The following SAYSD1 variants were observed in gnomAD, a reference collection of about 807,000 sequenced individuals.
The protein encoded by SAYSD1 is SAYSvFN domain-containing protein 1.
A neutral mutation model predicts 14.5 loss-of-function variants in SAYSD1; 15 were observed. That is an observed-to-expected ratio of 1.03 (90% CI 0.69 to 1.59). The LOEUF (loss-of-function observed/expected upper bound fraction) is 1.59. SAYSD1 is among the 40% of genes most tolerant of loss of function. The probability of loss-of-function intolerance (pLI) is 0.00; values close to 1 mark genes in which losing one functional copy is unlikely to be tolerated. For synonymous variants in SAYSD1, 105 were observed against 102.6 expected (o/e 1.02, Z -0.14); for missense variants, 247 against 227.3 (o/e 1.09, Z -0.56).
At chr6:39,108,472 G>A (rs1769544892) in intron 1 of SAYSD1, among the ~76,000 whole-genome samples, 1 of 152,030 alleles carries the variant, frequency 6.6e-6, no homozygotes, top group African/African-American at 2.4e-5. Flanking sequence ...CAAGAGGAGA[G>A]ATACGGACAT....
In SAYSD1 at chr6:39,105,668, C is replaced by G; in HGVS notation, c.316G>C (p.Val106Leu). 6.2e-7 allele frequency: 1 copy of G among 1,614,230 alleles called. No individual in the cohort carries two copies. The highest frequency in any genetic ancestry group is 8.5e-7 in the Non-Finnish European group (1 of 1,180,038). The change falls in exon 2 of 2, where the codon GTT (valine) becomes CTT (leucine). Residue 106 changes from valine (V) to leucine (L), a missense_variant. Val to Leu is a conservative substitution (Grantham distance 32). Coordinates refer to ENST00000229903, the MANE Select transcript of SAYSD1 (RefSeq NM_018322.3). ...SFLTNITFLKVLLWLVLLGLF... is the reference protein window; with the variant it reads ...SFLTNITFLKLLLWLVLLGLF... Reference sequence around the variant, plus strand: ...CCCAGCAGGACCAACCAGAGAAGAACCTTCAAGAAGGTGATATTGGTCAGG... The same window carrying G: ...CCCAGCAGGACCAACCAGAGAAGAAGCTTCAAGAAGGTGATATTGGTCAGG...
rs761871373 is a variant in SAYSD1 at position 39,105,719 on chromosome 6, G to A, written c.265C>T (p.Leu89=). Reference sequence around the variant, plus strand: ...AAAGACTGGTCCCAGCACGACGGCAGAGGAATGGCTGTGTTCCATGGTGTC... The same window carrying A: ...AAAGACTGGTCCCAGCACGACGGCAAAGGAATGGCTGTGTTCCATGGTGTC... ...SETPWNTAIP[L]PSCWDQSFLT... is the part of the protein sequence containing the mutation. The change falls in exon 2 of 2, where the codon CTG becomes TTG. Residue 89 remains leucine, a synonymous_variant. Transcript: ENST00000229903. The A allele has an allele frequency of 3.0e-5, 48 of 1,614,246 alleles. No homozygotes were observed. In the South Asian group the frequency reaches 4.9e-4, roughly 17 times the overall value.
intron 1 of SAYSD1, chr6:39,109,344 C>T (rs1177152760): frequency 1.2e-5 from 19 of 1,550,992 alleles, no homozygotes; most frequent in South Asian, 1.2e-4. Flanking sequence ...GGAAGAAGCT[C>T]GTCACAGAAT....
chr6:39,109,284 G>A (rs1294259032), intron 1 of SAYSD1: 2 of 1,542,336 alleles, frequency 1.3e-6, no homozygotes, highest in East Asian at 2.4e-5. Context: ...AGGGAAGCAG[G>A]AGGTTTCTGT....
Position 39,105,489 on chromosome 6 carries a change from G to A in SAYSD1, c.495C>T (p.Thr165=). 6.2e-7 allele frequency: 1 copy of A among 1,614,158 alleles called. No homozygotes were observed. Among genetic ancestry groups the A allele is most frequent in the Non-Finnish European group, 8.5e-7 (1 of 1,180,028 alleles). The stretch of plus-strand genomic sequence containing the variant: ...CGCGCTCCAACTGCTCTGCAGTCAG[G>A]GTGCCCTGGATGGCTTCACAGCCTG... ...FNPGCEAIQG[T]LTAEQLEREL... Residue 165 remains threonine, a synonymous_variant, in exon 2 of 2, where the codon ACC becomes ACT. Coordinates refer to ENST00000229903, the MANE Select transcript of SAYSD1 (RefSeq NM_018322.3).
intron 1 of SAYSD1, chr6:39,111,379 A>C (rs1002149605): frequency 2.6e-5 from 4 of 151,860 alleles, no homozygotes; most frequent in Non-Finnish European, 5.9e-5. Flanking sequence ...AGCTAGAAAG[A>C]AGCACGAAAG....
intron 1 of SAYSD1, among the ~76,000 whole-genome samples, chr6:39,109,113 G>A (rs529129906): frequency 1.2e-4 from 19 of 152,294 alleles, no homozygotes; most frequent in African/African-American, 3.8e-4. Flanking sequence ...TTTTGCGGGG[G>A]TGAGGCACAG....
chr6:39,109,366 A>C (rs754632105), intron 1 of SAYSD1: 173 of 1,550,874 alleles, frequency 1.1e-4, no homozygotes, highest in Middle Eastern at 5.0e-4. Flanking sequence ...ATTTCAGGAA[A>C]CTGCTTTTCT....
At position 39,105,011 on chromosome 6, in the gene SAYSD1, G is replaced by GAA; in HGVS notation, c.*419_*420dup. ...AAAACTTGCAACCTAAACTCTCCGG[G>GAA]AAAAAAAAAATTGCTATAAATGTTA... is the stretch of plus-strand genomic sequence containing the variant. On this transcript the variant is annotated 3_prime_UTR_variant, in exon 2 of 2. Transcript: ENST00000229903. 6.5e-6 allele frequency: 1 copy of GAA among 153,924 alleles called. No individual in the cohort carries two copies. Among genetic ancestry groups the GAA allele is most frequent in the Non-Finnish European group, 1.4e-5 (1 of 70,296 alleles). 9.5% of individuals were successfully genotyped at this position (153,924 alleles called of 1,614,324 possible).
At chr6:39,109,286 G>C in intron 1 of SAYSD1, 1 of 1,544,664 alleles carries the variant, frequency 6.5e-7, no homozygotes, top group South Asian at 1.2e-5. Context: ...GGAAGCAGGA[G>C]GTTTCTGTAG....
At chr6:39,109,045 T>C (rs2113737653) in intron 1 of SAYSD1, among the ~76,000 whole-genome samples, 1 of 152,252 alleles carries the variant, frequency 6.6e-6, no homozygotes, top group Non-Finnish European at 1.5e-5. Context: ...TGACAAGATT[T>C]TTGTTGAATG....
At chr6:39,114,640 T>A (rs1470887354) in intron 1 of SAYSD1, among the ~76,000 whole-genome samples, 2 of 152,184 alleles carry the variant, frequency 1.3e-5, no homozygotes, top group East Asian at 3.9e-4. Context: ...AGGTGCTTTC[T>A]CCCAGGACCC....
chr6:39,112,728 A>T (rs1769651531), intron 1 of SAYSD1: 1 of 152,280 alleles, frequency 6.6e-6, no homozygotes, highest in Non-Finnish European at 1.5e-5. Context: ...TGTTGCTTCA[A>T]CAACTAGATG....
Position 39,104,751 on chromosome 6 carries a change from T to A in SAYSD1, c.*681A>T, listed in dbSNP as rs1769460354. On this transcript the variant is annotated 3_prime_UTR_variant, in exon 2 of 2. Transcript: ENST00000229903. The stretch of plus-strand genomic sequence containing the variant: ...CAACACTTCTTGCTGAACTGGCCGT[T>A]AATAACCACTTGTGAAATCCCTCCC... 6.6e-6 allele frequency: 1 copy of A among 152,394 alleles called. No individual in the cohort carries two copies. The allele number at this position is 152,394 out of a possible 1,614,324, so 9.4% of individuals were successfully genotyped here.
intron 1 of SAYSD1, chr6:39,110,459 G>A (rs61737200): frequency 0.025 from 3,913 of 158,180 alleles, 75 homozygotes; most frequent in Non-Finnish European, 0.04. Flanking sequence ...ACATTGCCAA[G>A]AAGAGATTTG....
chr6:39,114,843 C>A, intron 1 of SAYSD1, 40 bp downstream of exon 1: 1 of 1,589,488 alleles, frequency 6.3e-7, no homozygotes, highest in South Asian at 1.1e-5. Context: ...GACTGTGGCT[C>A]CGAGGCCAGG....
chr6:39,105,446 G>A lies in SAYSD1; in HGVS notation c.538C>T (p.Leu180=), dbSNP rs746597396. 1.9e-6 allele frequency: 3 copies of A among 1,614,044 alleles called. No homozygotes were observed. Among genetic ancestry groups the A allele is most frequent in the Non-Finnish European group, 2.5e-6 (3 of 1,179,922 alleles). Reference sequence around the variant, plus strand: ...ACAGCTGGGTCCTATCTCCCTGCCAGGGGTCTCAACTGTAACTCGCGCTCC... The same window carrying A: ...ACAGCTGGGTCCTATCTCCCTGCCAAGGGTCTCAACTGTAACTCGCGCTCC... ...QLERELQLRP[L]AGR is the part of the protein sequence containing the mutation. The change falls in exon 2 of 2, where the codon CTG becomes TTG. Residue 180 remains leucine (L), a synonymous_variant. Coordinates refer to ENST00000229903, the MANE Select transcript of SAYSD1 (RefSeq NM_018322.3).
In SAYSD1 at chr6:39,104,157, A is replaced by G. The variant is rs888388654; in HGVS notation, c.*1275T>C. On this transcript the variant is annotated 3_prime_UTR_variant, in exon 2 of 2. Coordinates refer to ENST00000229903, the MANE Select transcript of SAYSD1 (RefSeq NM_018322.3). ...AGTTCAGACAGAACTCATGGAAGAA[A>G]AGACTTTTCTGTGAGATAGAACAGA... The G allele has an allele frequency of 6.6e-6, 1 of 152,074 alleles. No individual in the cohort carries two copies. The highest frequency in any genetic ancestry group is 2.1e-4 in the South Asian group (1 of 4,830). 9.4% of individuals were successfully genotyped at this position (152,074 alleles called of 1,614,324 possible). A position where few individuals can be genotyped will look rare whatever the true frequency, so the allele number is the denominator to read the frequency against.
intron 1 of SAYSD1, among the ~76,000 whole-genome samples, chr6:39,106,072 A>C (rs919141108): frequency 1.3e-5 from 2 of 152,188 alleles, no homozygotes; most frequent in Non-Finnish European, 2.9e-5. Context: ...AAGAAGAGCT[A>C]ATTTGTGCCC....
Sources: allele counts gnomAD v4.1 joint callset (sites outside exome capture counted in the v4.1 genomes callset), GRCh38; gene constraint gnomAD v4.1.1; transcripts MANE v1.5; gene names NCBI Gene and HGNC (gene_info 2026-07-23, HGNC 2026-07-21).